Variants in ZNF331 observed in about 807,000 individuals in gnomAD.
ZNF331 encodes zinc finger protein 331, also known as C2H2-like zinc finger protein rearranged in thyroid adenomas.
A neutral mutation model predicts 7.0 loss-of-function variants in ZNF331; 2 were observed. That is an observed-to-expected ratio of 0.29 (90% CI 0.12 to 0.90). The LOEUF is 0.90. ZNF331 is among the 40% of genes least tolerant of loss of function. The pLI, the probability that ZNF331 is intolerant of heterozygous loss-of-function variation, is 0.58. For synonymous variants in ZNF331, 196 were observed against 205.4 expected (o/e 0.95, Z 0.39); for missense variants, 432 against 587.7 (o/e 0.74, Z 2.74).
At chr19:53,540,558 G>A (rs1053421099) in intron 2 of ZNF331, among the ~76,000 whole-genome samples, 13 of 152,002 alleles carry the variant, frequency 8.6e-5, no homozygotes, top group African/African-American at 2.2e-4. Flanking sequence ...TCAGCCTCCC[G>A]AGTAGCTGGG....
chr19:53,519,506 A>AT (rs2086989147), upstream of ZNF331, among the ~76,000 whole-genome samples: 1 of 152,178 alleles, frequency 6.6e-6, no homozygotes, highest in Non-Finnish European at 1.5e-5. Flanking sequence ...CATCCCTATC[A>AT]TATCTTTCTT....
At chr19:53,509,435 A>G in the ZNF331 span, among the ~76,000 whole-genome samples, 4 of 152,178 alleles carry the variant, frequency 2.6e-5, no homozygotes, top group Admixed American at 1.3e-4. Context: ...GGTCTCTCAG[A>G]ACAGATTGCA....
rs1454155612 is a variant in ZNF331 at position 53,578,756 on chromosome 19, C to T, written c.*804C>T. 3.4e-5 allele frequency: 7 copies of T among 207,332 alleles called. No homozygotes were observed. The Admixed American group carries it at 3.6e-4, about 11-fold the overall frequency. The allele number at this position is 207,332 out of a possible 1,614,324, so 12.8% of individuals were successfully genotyped here. On this transcript the variant is annotated 3_prime_UTR_variant, in exon 6 of 6. Coordinates refer to ENST00000449416, the MANE Select transcript of ZNF331 (RefSeq NM_001079906.2). ...TTCCTTCCTCAACAGGAGGAAAATTCCTGGTACAGTTTAACGTAAGGCTTC... is the reference window on the plus strand; with the variant it reads ...TTCCTTCCTCAACAGGAGGAAAATTTCTGGTACAGTTTAACGTAAGGCTTC...
chr19:53,560,931 A>G lies in ZNF331; in HGVS notation c.-74+5023A>G, dbSNP rs1045497914. ...TTGCCATACAAGGTAACATATTTGA[A>G]AGTACTGGAATTACCATAGAGACAC... is the stretch of plus-strand genomic sequence containing the variant. On this transcript the variant is annotated intron_variant, in intron 3 of 5. Coordinates refer to ENST00000449416, the MANE Select transcript of ZNF331 (RefSeq NM_001079906.2). The surrounding 1 kb of genome is among the most constrained non-coding windows in gnomAD (Gnocchi z 4.3). 1.3e-5 allele frequency among the ~76,000 whole-genome samples: 2 copies of G among 152,170 alleles called. No individual in the cohort carries two copies. Among genetic ancestry groups the G allele is most frequent in the African/African-American group, 4.8e-5 (2 of 41,438 alleles).
chr19:53,505,484 C>G, the ZNF331 span, among the ~76,000 whole-genome samples: 114,063 of 151,948 alleles, frequency 0.75, 42,979 homozygotes, highest in African/African-American at 0.79. Context: ...CAGACGTGAG[C>G]CACCATACCT....
At position 53,578,888 on chromosome 19, in the gene ZNF331, C is replaced by G. The variant is rs962579051; in HGVS notation, c.*936C>G. Reference sequence around the variant, plus strand: ...CGGTCTTGGCTCACTGCAACCTCCACCTCCCAGGTTCCAGCAATTCTCCTG... The same window carrying G: ...CGGTCTTGGCTCACTGCAACCTCCAGCTCCCAGGTTCCAGCAATTCTCCTG... On this transcript the variant is annotated 3_prime_UTR_variant, in exon 6 of 6. Transcript: ENST00000449416. The G allele has an allele frequency of 5.5e-6, 1 of 182,876 alleles. No individual in the cohort carries two copies. The highest frequency in any genetic ancestry group is 1.2e-5 in the Non-Finnish European group (1 of 86,072). The allele number at this position is 182,876 out of a possible 1,614,324, so 11.3% of individuals were successfully genotyped here.
the ZNF331 span, among the ~76,000 whole-genome samples, chr19:53,507,160 G>T: frequency 6.6e-6 from 1 of 152,124 alleles, no homozygotes; most frequent in African/African-American, 2.4e-5. Flanking sequence ...ATGACAAAAT[G>T]ATTTTGTCAT....
chr19:53,550,045 A>C (rs1232530691), intron 2 of ZNF331, among the ~76,000 whole-genome samples: 1 of 152,080 alleles, frequency 6.6e-6, no homozygotes, highest in Non-Finnish European at 1.5e-5. Context: ...GATTTACCTA[A>C]ATTTCTCCCG....
rs1481228849 is a variant in ZNF331, at chr19:53,578,767, T to A, written c.*815T>A. The A allele has an allele frequency of 9.7e-6, 2 of 206,074 alleles. No homozygotes were observed. Among genetic ancestry groups the A allele is most frequent in the Non-Finnish European group, 2.0e-5 (2 of 101,136 alleles). 12.8% of individuals were successfully genotyped at this position (206,074 alleles called of 1,614,324 possible). On this transcript the variant is annotated 3_prime_UTR_variant, in exon 6 of 6. Coordinates refer to ENST00000449416, the MANE Select transcript of ZNF331 (RefSeq NM_001079906.2). ...ACAGGAGGAAAATTCCTGGTACAGT[T>A]TAACGTAAGGCTTCACTGATCACTG...
chr19:53,539,294 T>G lies in ZNF331; in HGVS notation c.-138+12T>G, dbSNP rs2087964684. The G allele has an allele frequency of 1.7e-5, 1 of 57,702 alleles. No homozygotes were observed. Among genetic ancestry groups the G allele is most frequent in the Non-Finnish European group, 3.4e-5 (1 of 29,076 alleles). The allele number at this position is 57,702 out of a possible 1,614,324, so 3.6% of individuals were successfully genotyped here. ...TCTGAAAGGGTCAGGTGAGTATCCTTTTTTTTTTATATTAAATGATATGTG... is the reference window on the plus strand; with the variant it reads ...TCTGAAAGGGTCAGGTGAGTATCCTGTTTTTTTTATATTAAATGATATGTG... On this transcript the variant is annotated intron_variant, in intron 2 of 5. Transcript: ENST00000449416. The surrounding 1 kb of genome is among the most constrained non-coding windows in gnomAD (Gnocchi z 6.1).
chr19:53,553,677 G>A (rs763001870), intron 2 of ZNF331, among the ~76,000 whole-genome samples: 3 of 152,196 alleles, frequency 2.0e-5, no homozygotes, highest in Non-Finnish European at 4.4e-5. Context: ...GACTAACTGG[G>A]CATAACTGCT....
At chr19:53,557,486 A>C (rs1261796820) in intron 3 of ZNF331, among the ~76,000 whole-genome samples, 1 of 152,202 alleles carries the variant, frequency 6.6e-6, no homozygotes, top group Non-Finnish European at 1.5e-5. Flanking sequence ...CAAAGGCCTC[A>C]CGTCTTAATA....
chr19:53,524,785 T>A (rs944108675), intron 2 of ZNF331, among the ~76,000 whole-genome samples: 6 of 152,146 alleles, frequency 3.9e-5, no homozygotes, highest in Non-Finnish European at 1.5e-5. Flanking sequence ...CCCATTTGTC[T>A]ATTTTGGCTT....
rs1211816939 is a variant in ZNF331 at position 53,578,395 on chromosome 19, AAAG to A, written c.*446_*448del. 5.5e-5 allele frequency: 13 copies of A among 236,492 alleles called. No individual in the cohort carries two copies. The highest frequency in any genetic ancestry group is 1.0e-4 in the Non-Finnish European group (12 of 119,592). The allele number at this position is 236,492 out of a possible 1,614,324, so 14.6% of individuals were successfully genotyped here. On this transcript the variant is annotated 3_prime_UTR_variant, in exon 6 of 6. Coordinates refer to ENST00000449416, the MANE Select transcript of ZNF331 (RefSeq NM_001079906.2). ...GTGAAAGTTCTCAACTTAAAAAAGA[AAAG>A]AAAAAAATCATATACTGAGGTTGCT...
the ZNF331 span, among the ~76,000 whole-genome samples, chr19:53,507,288 T>G: frequency 6.6e-6 from 1 of 152,178 alleles, no homozygotes; most frequent in Non-Finnish European, 1.5e-5. Flanking sequence ...TATCTGTTAC[T>G]TTGCTGCTGA....
At chr19:53,530,434 G>A (rs1224828108) in intron 2 of ZNF331, among the ~76,000 whole-genome samples, 6 of 152,174 alleles carry the variant, frequency 3.9e-5, no homozygotes, top group Admixed American at 1.3e-4. Flanking sequence ...AAGCCATACC[G>A]CCCACGGATG....
At chr19:53,566,255 A>G (rs900936645) in intron 3 of ZNF331, among the ~76,000 whole-genome samples, 1 of 152,150 alleles carries the variant, frequency 6.6e-6, no homozygotes, top group African/African-American at 2.4e-5. Flanking sequence ...GTTATCGACC[A>G]GGGAAGCTCA....
rs779748465 is a variant in ZNF331 at position 53,576,694 on chromosome 19, C to T, written c.137-3C>T. ...GGAAAGAAAATATGTTCTTTTTTCCCAGATTTGGAGTCAGCATATGAAAAT... is the reference window on the plus strand; with the variant it reads ...GGAAAGAAAATATGTTCTTTTTTCCTAGATTTGGAGTCAGCATATGAAAAT... On this transcript the variant is annotated splice_region_variant and splice_polypyrimidine_tract_variant and intron_variant, in intron 5 of 5. Coordinates refer to ENST00000449416, the MANE Select transcript of ZNF331 (RefSeq NM_001079906.2). 91 of 1,580,804 alleles carry T rather than the reference C, an allele frequency of 5.8e-5. No homozygotes were observed. The highest frequency in any genetic ancestry group is 3.4e-4 in the Middle Eastern group (2 of 5,850).
At chr19:53,559,849 CATATACAT>C (rs781573515) in intron 3 of ZNF331, among the ~76,000 whole-genome samples, 10 of 150,984 alleles carry the variant, frequency 6.6e-5, no homozygotes, top group Admixed American at 2.0e-4. Flanking sequence ...TACATATACA[CATATACAT>C]ACCATACACA....
Sources: allele counts gnomAD v4.1 joint callset (sites outside exome capture counted in the v4.1 genomes callset), GRCh38; gene constraint gnomAD v4.1.1; non-coding constraint Gnocchi (gnomAD v3.1); transcripts MANE v1.5; gene names NCBI Gene and HGNC (gene_info 2026-07-23, HGNC 2026-07-21).